Variants in ELMO1 observed in about 807,000 individuals in gnomAD.
ELMO1 encodes engulfment and cell motility 1.
In ELMO1, 26 loss-of-function variants were observed where a neutral mutation model predicts 98.9. The ratio of observed to expected loss-of-function variants is 0.26; its 90% confidence interval spans 0.19 to 0.36. ELMO1 has a LOEUF of 0.36. Among genes scored for constraint, ELMO1 ranks in the 10% least tolerant of loss-of-function variants. ELMO1 has a pLI of 1.00. For synonymous variants in ELMO1, 346 were observed against 346.0 expected (o/e 1.00, Z 0.00); for missense variants, 627 against 935.2 (o/e 0.67, Z 4.30).
At chr7:37,409,132 G>GAAAAAA (rs34728296) in intron 1 of ELMO1, among the ~76,000 whole-genome samples, 1 of 138,432 alleles carries the variant, frequency 7.2e-6, no homozygotes. Flanking sequence ...TTTTGCAAGT[G>GAAAAAA]AAAAAAAAAA....
chr7:37,371,068 T>G (rs913579365), intron 1 of ELMO1, among the ~76,000 whole-genome samples: 1 of 152,212 alleles, frequency 6.6e-6, no homozygotes, highest in Non-Finnish European at 1.5e-5. Flanking sequence ...TGGAATATAC[T>G]CTGAAGAATA....
chr7:37,110,076 G>C (rs1387805692), intron 14 of ELMO1, among the ~76,000 whole-genome samples: 4 of 152,232 alleles, frequency 2.6e-5, no homozygotes. Flanking sequence ...GGGTACTGCA[G>C]AGAGGCTGGC....
intron 21 of ELMO1, among the ~76,000 whole-genome samples, chr7:36,856,502 T>C (rs1035950492): frequency 6.6e-6 from 1 of 152,218 alleles, no homozygotes; most frequent in African/African-American, 2.4e-5. Context: ...ATTATCTGTT[T>C]TGGAAAGCCC....
chr7:37,193,934 C>G (rs766391451), intron 13 of ELMO1, among the ~76,000 whole-genome samples: 1 of 152,170 alleles, frequency 6.6e-6, no homozygotes, highest in African/African-American at 2.4e-5. Context: ...TGATCTCACC[C>G]GGTGCTGCCT....
intron 1 of ELMO1, among the ~76,000 whole-genome samples, chr7:37,415,303 A>G (rs547934939): frequency 6.6e-6 from 1 of 151,754 alleles, no homozygotes; most frequent in South Asian, 2.1e-4. Flanking sequence ...ACGTGAAAAT[A>G]CAGAGGTCTT....
intron 6 of ELMO1, among the ~76,000 whole-genome samples, chr7:37,246,031 C>T (rs75187167): frequency 0.019 from 2,878 of 152,184 alleles, 50 homozygotes; most frequent in Non-Finnish European, 0.032. Flanking sequence ...TATTATTTTC[C>T]GATTTCCACA....
At chr7:37,421,344 A>G (rs1224728051) in intron 1 of ELMO1, among the ~76,000 whole-genome samples, 1 of 152,150 alleles carries the variant, frequency 6.6e-6, no homozygotes, top group Non-Finnish European at 1.5e-5. Context: ...TGCCCACCAC[A>G]TATTTTCTGA....
chr7:37,386,380 G>A (rs1001094540), intron 1 of ELMO1, among the ~76,000 whole-genome samples: 3 of 151,812 alleles, frequency 2.0e-5, no homozygotes, highest in Admixed American at 1.3e-4. Context: ...GGGGCTGGAG[G>A]GGGGAGCCCA....
At chr7:37,281,728 A>G (rs1797153273) in intron 4 of ELMO1, among the ~76,000 whole-genome samples, 1 of 152,254 alleles carries the variant, frequency 6.6e-6, no homozygotes, top group Admixed American at 6.5e-5. Context: ...AAGACTACAC[A>G]TGACATTTGG....
chr7:36,942,037 G>A (rs896167675), intron 16 of ELMO1, among the ~76,000 whole-genome samples: 2 of 152,246 alleles, frequency 1.3e-5, no homozygotes, highest in African/African-American at 4.8e-5. Context: ...TTTCCAGGGA[G>A]CAAGAGTTTT....
At chr7:37,170,535 C>T (rs1414284583) in intron 13 of ELMO1, among the ~76,000 whole-genome samples, 1 of 151,960 alleles carries the variant, frequency 6.6e-6, no homozygotes, top group African/African-American at 2.4e-5. Context: ...AAGAACTCAG[C>T]ATTAGTGAAC....
chr7:36,963,221 T>C (rs1276908970), intron 16 of ELMO1, among the ~76,000 whole-genome samples: 2 of 151,384 alleles, frequency 1.3e-5, no homozygotes, highest in Non-Finnish European at 2.9e-5. Context: ...CTACTAAAAA[T>C]ACAAAAATTA....
At position 36,945,657 on chromosome 7, in the gene ELMO1, A is replaced by G. The variant is rs891238805; in HGVS notation, c.1438-50640T>C. ...GGGGTTAAATCGGGCAAATTTCCCC[A>G]GTGAGATGACTTGCTGTGGCTCCAT... On this transcript the variant is annotated intron_variant, in intron 16 of 21. Coordinates refer to ENST00000310758, the MANE Select transcript of ELMO1 (RefSeq NM_014800.11). Among the ~76,000 whole-genome samples, 18 of 152,160 alleles carry G rather than the reference A, an allele frequency of 1.2e-4. 1 individual carries two copies. Among genetic ancestry groups the G allele is most frequent in the Non-Finnish European group, 2.9e-5 (2 of 68,034 alleles).
At chr7:37,111,986 A>T (rs1785277374) in intron 14 of ELMO1, among the ~76,000 whole-genome samples, 1 of 152,168 alleles carries the variant, frequency 6.6e-6, no homozygotes, top group Admixed American at 6.5e-5. Flanking sequence ...AACTCTGCCC[A>T]ATTTGATGGT....
At chr7:37,444,507 A>G (rs1805530885) in intron 1 of ELMO1, among the ~76,000 whole-genome samples, 1 of 150,844 alleles carries the variant, frequency 6.6e-6, no homozygotes, top group African/African-American at 2.4e-5. Flanking sequence ...GGCAAGTTCT[A>G]CAAATAGTGG....
At chr7:37,349,974 T>C (rs1270790823) in intron 1 of ELMO1, among the ~76,000 whole-genome samples, 1 of 152,186 alleles carries the variant, frequency 6.6e-6, no homozygotes, top group East Asian at 1.9e-4. Context: ...TGTATGAGTG[T>C]CCAGGTTTGC....
chr7:37,063,550 T>C (rs1256958863), intron 15 of ELMO1, among the ~76,000 whole-genome samples: 1 of 152,092 alleles, frequency 6.6e-6, no homozygotes, highest in Non-Finnish European at 1.5e-5. Context: ...GTATCAGCAA[T>C]AGATATGGAA....
intron 15 of ELMO1, among the ~76,000 whole-genome samples, chr7:37,082,158 T>C (rs1797896694): frequency 6.6e-6 from 1 of 152,180 alleles, no homozygotes; most frequent in South Asian, 2.1e-4. Context: ...CACGTAAAGA[T>C]GGGCCAGGCA....
chr7:36,971,751 A>AT (rs1789975507), intron 16 of ELMO1, among the ~76,000 whole-genome samples: 1 of 152,234 alleles, frequency 6.6e-6, no homozygotes, highest in South Asian at 2.1e-4. Context: ...GAGTTAATCC[A>AT]TAATCTCGAG....
Sources: allele counts gnomAD v4.1 joint callset (sites outside exome capture counted in the v4.1 genomes callset), GRCh38; gene constraint gnomAD v4.1.1; transcripts MANE v1.5; gene names NCBI Gene and HGNC (gene_info 2026-07-23, HGNC 2026-07-21).